Variants in SNRNP70 observed in about 807,000 individuals in gnomAD.
SNRNP70 encodes the protein U1 small nuclear ribonucleoprotein 70 kDa.
In SNRNP70, 8 loss-of-function variants were observed where a neutral mutation model predicts 50.5. The ratio of observed to expected loss-of-function variants is 0.16; its 90% confidence interval spans 0.09 to 0.29. The LOEUF (loss-of-function observed/expected upper bound fraction) is 0.29. Ranked by LOEUF, SNRNP70 falls within the 10% of genes least tolerant of loss-of-function variation. The pLI is 1.00. For missense variants in SNRNP70, 529 were observed against 663.5 expected, an observed-to-expected ratio of 0.80 and a Z score of 2.23; for synonymous variants, 320 against 252.9, an observed-to-expected ratio of 1.27 and a Z score of -2.52.
At chr19:49,086,306 C>T in intron 1 of SNRNP70, 99 bp from the exon 2 acceptor site, 4 of 1,376,832 alleles carry the variant, frequency 2.9e-6, no homozygotes, top group Non-Finnish European at 3.9e-6. Flanking sequence ...AATTCCGAGA[C>T]TTTTCTCCTG....
intron 8 of SNRNP70, among the ~76,000 whole-genome samples, chr19:49,106,956 G>C (rs1391766880): frequency 6.6e-6 from 1 of 152,202 alleles, no homozygotes; most frequent in East Asian, 1.9e-4. Context: ...GAAACTCCAG[G>C]GGAAGGAAGC....
chr19:49,108,311 TGGG>T lies in SNRNP70; in HGVS notation c.1185_1187del (p.Gly398del). The T allele has an allele frequency of 1.3e-6, 2 of 1,585,298 alleles. No homozygotes were observed. Among genetic ancestry groups the T allele is most frequent in the Non-Finnish European group, 1.7e-6 (2 of 1,167,164 alleles). ...AGCGGGGCAGGGATGAGGCCCGAGG[TGGG>T]GGCGGTGGCCAGGACAACGGGCTGG... On this transcript the variant is annotated inframe_deletion, in exon 10 of 10. Transcript: ENST00000598441.
chr19:49,107,579 C>T lies in SNRNP70; in HGVS notation c.578-46C>T. 6.3e-7 allele frequency: 1 copy of T among 1,580,242 alleles called. No homozygotes were observed. Among genetic ancestry groups the T allele is most frequent in the Non-Finnish European group, 8.7e-7 (1 of 1,149,184 alleles). On this transcript the variant is annotated intron_variant, in intron 8 of 9. Coordinates refer to ENST00000598441, the MANE Select transcript of SNRNP70 (RefSeq NM_003089.6). The surrounding 1 kb of genome is among the most constrained non-coding windows in gnomAD (Gnocchi z 6.0). ...TCGGCTCATTTCTGCTCCTCCGGGCCCTGTCCCTGCCCAGATTCACCCTCT... is the reference window on the plus strand; with the variant it reads ...TCGGCTCATTTCTGCTCCTCCGGGCTCTGTCCCTGCCCAGATTCACCCTCT...
intron 2 of SNRNP70, among the ~76,000 whole-genome samples, chr19:49,089,656 ATT>A (rs71179085): frequency 1.2e-5 from 1 of 82,584 alleles, no homozygotes. Flanking sequence ...TTGAGACAGG[ATT>A]TTTTTTTTTT....
intron 2 of SNRNP70, among the ~76,000 whole-genome samples, chr19:49,087,255 T>C (rs1600269055): frequency 6.6e-6 from 1 of 151,738 alleles, no homozygotes. Flanking sequence ...TGAGTAGTGG[T>C]TGAGGATTCA....
chr19:49,096,269 C>T (rs991367771), intron 4 of SNRNP70, among the ~76,000 whole-genome samples: 4 of 151,550 alleles, frequency 2.6e-5, no homozygotes, highest in Admixed American at 2.6e-4. Context: ...GTTTGCCAGG[C>T]TGGTCTCAAA....
rs575878849 is a variant in SNRNP70 at position 49,107,816 on chromosome 19, G to T, written c.687G>T (p.Pro229=). 6.3e-7 allele frequency: 1 copy of T among 1,598,374 alleles called. No homozygotes were observed. Among genetic ancestry groups the T allele is most frequent in the Non-Finnish European group, 8.5e-7 (1 of 1,173,212 alleles). The change falls in exon 10 of 10, where the codon CCG becomes CCT. Residue 229 remains proline, a synonymous_variant. Coordinates refer to ENST00000598441, the MANE Select transcript of SNRNP70 (RefSeq NM_003089.6). This position sits in a 1 kb window ranked among gnomAD's most constrained non-coding sequence, Gnocchi z 6.0. ...CCAGGCCCGGCCCCTCCCCGCTTCCGCACAGGGACCGGGACCGGGACCGTG... is the reference window on the plus strand; with the variant it reads ...CCAGGCCCGGCCCCTCCCCGCTTCCTCACAGGGACCGGGACCGGGACCGTG... ...YDERPGPSPL[P]HRDRDRDRER... is the part of the protein sequence containing the mutation.
Position 49,104,519 on chromosome 19 carries a change from G to T in SNRNP70, c.476-115G>T, listed in dbSNP as rs1428407340. ...AGTTGCCTGGCTGTCTGTTGGGCGT[G>T]TGCGTGTGCGTGATGATGGGGACAC... is the stretch of plus-strand genomic sequence containing the variant. On this transcript the variant is annotated intron_variant, in intron 7 of 9. Transcript: ENST00000598441. This position sits in a 1 kb window ranked among gnomAD's most constrained non-coding sequence, Gnocchi z 5.4. The T allele has an allele frequency of 2.6e-6, 2 of 778,506 alleles. No homozygotes were observed. Among genetic ancestry groups the T allele is most frequent in the East Asian group, 2.7e-5 (1 of 36,456 alleles). The allele number at this position is 778,506 out of a possible 1,614,324, so 48.2% of individuals were successfully genotyped here.
Position 49,104,819 on chromosome 19 carries a change from T to C in SNRNP70, c.577+84T>C, listed in dbSNP as rs1600291849. On this transcript the variant is annotated intron_variant, in intron 8 of 9. Transcript: ENST00000598441. This position sits in a 1 kb window ranked among gnomAD's most constrained non-coding sequence, Gnocchi z 5.4. ...TCCCTTCTCTGCTGCTTTCTGCTTCTCTGTCTCCTGCCGGCCCACCTCTCC... is the reference window on the plus strand; with the variant it reads ...TCCCTTCTCTGCTGCTTTCTGCTTCCCTGTCTCCTGCCGGCCCACCTCTCC... 2 of 829,116 alleles carry C rather than the reference T, an allele frequency of 2.4e-6. No individual in the cohort carries two copies. Among genetic ancestry groups the C allele is most frequent in the African/African-American group, 1.7e-5 (1 of 57,566 alleles). 51.4% of individuals were successfully genotyped at this position (829,116 alleles called of 1,614,324 possible).
At chr19:49,091,770 C>G (rs1213190634) in intron 4 of SNRNP70, among the ~76,000 whole-genome samples, 1 of 152,156 alleles carries the variant, frequency 6.6e-6, no homozygotes, top group African/African-American at 2.4e-5. Context: ...CATTGGCTGT[C>G]GGAACGCTGT....
Position 49,086,391 on chromosome 19 carries a change from G to A in SNRNP70, c.-10-14G>A. Reference sequence around the variant, plus strand: ...ACCCGATCTAACCTAAGGCTGTCCTGCTTCTGCTCTCAGACTTGGCAAGAT... The same window carrying A: ...ACCCGATCTAACCTAAGGCTGTCCTACTTCTGCTCTCAGACTTGGCAAGAT... On this transcript the variant is annotated splice_polypyrimidine_tract_variant and intron_variant, in intron 1 of 9. Transcript: ENST00000598441. 15 of 1,609,622 alleles carry A rather than the reference G, an allele frequency of 9.3e-6. No homozygotes were observed. The highest frequency in any genetic ancestry group is 1.2e-5 in the Non-Finnish European group (14 of 1,177,414).
In SNRNP70 at chr19:49,108,032, G is replaced by A; in HGVS notation, c.903G>A (p.Arg301=). ...GCCGGAGTCGGGAGCGGGCCCGGCGGGAGCGGGAGCGCAAGGAGGAGCTGC... is the reference window on the plus strand; with the variant it reads ...GCCGGAGTCGGGAGCGGGCCCGGCGAGAGCGGGAGCGCAAGGAGGAGCTGC... ...RSSRSRERAR[R]ERERKEELRG... is the part of the protein sequence containing the mutation. Residue 301 remains arginine, a synonymous_variant, in exon 10 of 10, where the codon CGG becomes CGA. Coordinates refer to ENST00000598441, the MANE Select transcript of SNRNP70 (RefSeq NM_003089.6). The A allele has an allele frequency of 6.5e-7, 1 of 1,548,064 alleles. No individual in the cohort carries two copies. Among genetic ancestry groups the A allele is most frequent in the Non-Finnish European group, 8.7e-7 (1 of 1,146,618 alleles).
At chr19:49,103,289 G>A (rs578061264) in intron 7 of SNRNP70, 2 of 152,392 alleles carry the variant, frequency 1.3e-5, no homozygotes, top group Admixed American at 1.3e-4. Flanking sequence ...CCCACTCTAA[G>A]GCCTCCTTGA....
intron 4 of SNRNP70, among the ~76,000 whole-genome samples, chr19:49,094,102 G>A (rs1410409209): frequency 6.6e-6 from 1 of 152,190 alleles, no homozygotes; most frequent in Non-Finnish European, 1.5e-5. Context: ...TCATAGATGA[G>A]GTTAAGGAAT....
In SNRNP70 at chr19:49,094,231, G is replaced by A. The variant is rs146553854; in HGVS notation, c.265+3711G>A. Among the ~76,000 whole-genome samples, 16 of 152,030 alleles carry A rather than the reference G, an allele frequency of 1.1e-4. No individual in the cohort carries two copies. The East Asian group carries it at 1.9e-3, about 18-fold the overall frequency. On this transcript the variant is annotated intron_variant, in intron 4 of 9. Transcript: ENST00000598441. ...TTCATTTAAAATAATCCAGCCGGTC[G>A]TGGTGGTTCACGCCTGTAATCCCAG...
Position 49,107,502 on chromosome 19 carries a change from G to A in SNRNP70, c.578-123G>A. 3 of 841,692 alleles carry A rather than the reference G, an allele frequency of 3.6e-6. No homozygotes were observed. Among genetic ancestry groups the A allele is most frequent in the Admixed American group, 4.3e-5 (2 of 46,560 alleles). The allele number at this position is 841,692 out of a possible 1,614,324, so 52.1% of individuals were successfully genotyped here. A position where few individuals can be genotyped will look rare whatever the true frequency, so the allele number is the denominator to read the frequency against. ...CGGGATGAACTGCACGGGGGGACCC[G>A]GCCCTGTGAACACTAAGCCAGGGGC... On this transcript the variant is annotated intron_variant, in intron 8 of 9. Transcript: ENST00000598441. This position sits in a 1 kb window ranked among gnomAD's most constrained non-coding sequence, Gnocchi z 6.0.
At chr19:49,098,566 T>C in intron 5 of SNRNP70, 75 bp downstream of exon 5, 2 of 1,592,726 alleles carry the variant, frequency 1.3e-6, no homozygotes, top group East Asian at 4.5e-5. Context: ...TCAAATAGGC[T>C]AGGTACAGGG....
Position 49,108,274 on chromosome 19 carries a change from A to T in SNRNP70, c.1145A>T (p.Glu382Val). The change falls in exon 10 of 10, where the codon GAG becomes GTG. Residue 382 changes from glutamate to valine, a missense_variant. Transcript: ENST00000598441. ...CGTGACCGCGAGCACAAACGGGGGG[A>T]GCGGGGCAGTGAGCGGGGCAGGGAT... Reference protein sequence around the residue: ...RDRDREHKRGERGSERGRDEA... With the variant: ...RDRDREHKRGVRGSERGRDEA... 1.7e-5 allele frequency: 27 copies of T among 1,556,102 alleles called. No individual in the cohort carries two copies. The highest frequency in any genetic ancestry group is 2.1e-5 in the Non-Finnish European group (24 of 1,151,222).
Position 49,086,456 on chromosome 19 carries a change from C to T in SNRNP70, c.42C>T (p.Ala14=), listed in dbSNP as rs1436208012. The T allele has an allele frequency of 1.2e-5, 20 of 1,613,898 alleles. No individual in the cohort carries two copies. The highest frequency in any genetic ancestry group is 8.9e-5 in the East Asian group (4 of 44,898). The change falls in exon 2 of 10, where the codon GCC becomes GCT. Residue 14 remains alanine, a synonymous_variant. Coordinates refer to ENST00000598441, the MANE Select transcript of SNRNP70 (RefSeq NM_003089.6). ...CGCCCAACCTTCTGGCCCTCTTTGC[C>T]CCCCGTGACCCTATTCCATACCTGC... ...FLPPNLLALF[A]PRDPIPYLPP...
Sources: allele counts gnomAD v4.1 joint callset (sites outside exome capture counted in the v4.1 genomes callset), GRCh38; gene constraint gnomAD v4.1.1; non-coding constraint Gnocchi (gnomAD v3.1); transcripts MANE v1.5; gene names NCBI Gene and HGNC (gene_info 2026-07-23, HGNC 2026-07-21).